The following ZFP90 variants were observed in gnomAD, a reference collection of about 807,000 sequenced individuals.
ZFP90 encodes zinc finger protein 90 homolog.
ZFP90 carries 38 observed loss-of-function variants against 60.8 expected under a neutral mutation model. That is an observed-to-expected ratio of 0.62 (90% CI 0.48 to 0.82). The LOEUF (loss-of-function observed/expected upper bound fraction) is 0.82, where lower values mean the gene tolerates loss of function less well. ZFP90 is among the 40% of genes least tolerant of loss of function. The pLI is 0.00. For synonymous variants in ZFP90, 287 were observed against 264.8 expected, an observed-to-expected ratio of 1.08 and a Z score of -0.82; for missense variants, 711 against 759.1, an observed-to-expected ratio of 0.94 and a Z score of 0.74.
chr16:68,557,215 TG>T (rs1300457816), intron 2 of ZFP90: 1 of 455,538 alleles, frequency 2.2e-6, no homozygotes, highest in Admixed American at 2.4e-5. Context: ...CTCAAACTCT[TG>T]GGCTCCTGTA....
Position 68,564,559 on chromosome 16 carries a change from GA to G in ZFP90, c.1780del (p.Thr594ProfsTer57), listed in dbSNP as rs747260313. ...TGTAATGAATGTGGGAGAGCCTTCC[GA>G]AAAAAAACCAACCTGCATGATCATC... The part of the protein sequence containing the change: ...YECNECGRAF[R>X]KKTNLHDHQR... On this transcript the variant is annotated frameshift_variant, in exon 5 of 5. Coordinates refer to ENST00000563169, the MANE Select transcript of ZFP90 (RefSeq NM_001305203.2). LOFTEE classifies it high-confidence loss of function. 3.1e-6 allele frequency: 5 copies of G among 1,612,696 alleles called. No individual in the cohort carries two copies. Among genetic ancestry groups the G allele is most frequent in the Admixed American group, 3.3e-5 (2 of 59,800 alleles).
upstream of ZFP90, among the ~76,000 whole-genome samples, chr16:68,538,036 C>T (rs1230558643): frequency 6.6e-6 from 1 of 152,092 alleles, no homozygotes; most frequent in Non-Finnish European, 1.5e-5. Flanking sequence ...CCTCAGCTTT[C>T]TGAGTAGCTG....
intron 2 of ZFP90, among the ~76,000 whole-genome samples, chr16:68,546,127 A>C (rs1234482469): frequency 1.3e-5 from 2 of 152,224 alleles, no homozygotes; most frequent in Non-Finnish European, 2.9e-5. Flanking sequence ...GTGAGCTGAG[A>C]TTGCACCATT....
At chr16:68,562,143 A>G (rs1567409090) in intron 4 of ZFP90, 2 of 152,060 alleles carry the variant, frequency 1.3e-5, no homozygotes, top group East Asian at 1.9e-4. Context: ...CTAGAATTCA[A>G]TTTTTTTCAG....
downstream of ZFP90, among the ~76,000 whole-genome samples, chr16:68,570,692 G>C (rs1271127557): frequency 6.6e-6 from 1 of 152,106 alleles, no homozygotes; most frequent in Non-Finnish European, 1.5e-5. Context: ...TATCCTGTTG[G>C]GACTGGAAAA....
upstream of ZFP90, among the ~76,000 whole-genome samples, chr16:68,536,080 A>G (rs1368865818): frequency 6.6e-6 from 1 of 152,174 alleles, no homozygotes; most frequent in Non-Finnish European, 1.5e-5. Flanking sequence ...ATTATTTTCC[A>G]GTACATGCAC....
At position 68,563,383 on chromosome 16, in the gene ZFP90, T is replaced by A; in HGVS notation, c.596T>A (p.Leu199His). The A allele has an allele frequency of 1.9e-6, 3 of 1,613,870 alleles. No homozygotes were observed. The highest frequency in any genetic ancestry group is 2.5e-6 in the Non-Finnish European group (3 of 1,179,978). Reference protein sequence around the residue: ...GSNLGHNADLLNENNILAKKK... With the variant: ...GSNLGHNADLHNENNILAKKK... ...AATTTGGGACATAATGCAGACTTACTTAATGAGAATAATATTCTTGCAAAA... is the reference window on the plus strand; with the variant it reads ...AATTTGGGACATAATGCAGACTTACATAATGAGAATAATATTCTTGCAAAA... The change falls in exon 5 of 5, where the codon CTT becomes CAT. Residue 199 changes from leucine to histidine, a missense_variant. Physicochemically the swap from Leu to His is moderately conservative, Grantham distance 99. Coordinates refer to ENST00000563169, the MANE Select transcript of ZFP90 (RefSeq NM_001305203.2).
intron 2 of ZFP90, among the ~76,000 whole-genome samples, chr16:68,542,825 C>T (rs2091076410): frequency 6.6e-6 from 1 of 152,180 alleles, no homozygotes; most frequent in Admixed American, 6.6e-5. Flanking sequence ...ACCAGGTAGT[C>T]ATTGAGCCCT....
chr16:68,565,955 T>C lies in ZFP90; in HGVS notation c.*1257T>C, dbSNP rs559821611. On this transcript the variant is annotated 3_prime_UTR_variant, in exon 5 of 5. Transcript: ENST00000563169. ...GCCTGGACAACATGGTGAAACCCCA[T>C]CTCTTTAAAAAAAAAAAAAAATCCA... 397 of 734,482 alleles carry C rather than the reference T, an allele frequency of 5.4e-4. 2 individuals are homozygous for C. The African/African-American group carries it at 7.4e-3, about 14-fold the overall frequency. The allele number at this position is 734,482 out of a possible 1,614,324, so 45.5% of individuals were successfully genotyped here.
In ZFP90 at chr16:68,566,608, A is replaced by C. The variant is rs1257871746; in HGVS notation, c.*1910A>C. On this transcript the variant is annotated 3_prime_UTR_variant, in exon 5 of 5. Transcript: ENST00000563169. ...ATTCAATGGCAGATCTGCCCTTCTG[A>C]GATGCTGACCATCCAAAACACCTTG... 1.0e-6 allele frequency: 1 copy of C among 985,452 alleles called. No homozygotes were observed. Among genetic ancestry groups the C allele is most frequent in the South Asian group, 4.7e-5 (1 of 21,284 alleles). 61.0% of individuals were successfully genotyped at this position (985,452 alleles called of 1,614,324 possible).
chr16:68,558,103 T>C lies in ZFP90; in HGVS notation c.139T>C (p.Tyr47His). 1 of 1,613,868 alleles carries C rather than the reference T, an allele frequency of 6.2e-7. No individual in the cohort carries two copies. Among genetic ancestry groups the C allele is most frequent in the African/African-American group, 1.3e-5 (1 of 75,000 alleles). Residue 47 changes from tyrosine (Y) to histidine (H), a missense_variant, in exon 3 of 5, where the codon TAT becomes CAT. Tyr to His is a moderately conservative substitution (Grantham distance 83). This residue lies in a region of ZFP90 where 241 missense variants were observed against 247.6 expected (regional missense o/e 0.97). Coordinates refer to ENST00000563169, the MANE Select transcript of ZFP90 (RefSeq NM_001305203.2). ...SLYRDVMLENYSHLVSLGYQV... is the reference protein window; with the variant it reads ...SLYRDVMLENHSHLVSLGYQV... ...ATACAGGGATGTGATGCTGGAGAAC[T>C]ATAGCCACCTGGTTTCTCTTGGTAA...
chr16:68,540,839 A>T (rs1346141697), intron 2 of ZFP90, among the ~76,000 whole-genome samples: 4 of 149,812 alleles, frequency 2.7e-5, no homozygotes, highest in Middle Eastern at 3.4e-3. Flanking sequence ...AATTTAAAAG[A>T]TAAAAACACC....
chr16:68,568,873 T>G (rs11866873), downstream of ZFP90, among the ~76,000 whole-genome samples: 28,266 of 152,064 alleles, frequency 0.19, 2,972 homozygotes, highest in African/African-American at 0.28. Flanking sequence ...GAGATGAGTT[T>G]TCGCTATGTT....
chr16:68,564,416 T>A lies in ZFP90; in HGVS notation c.1629T>A (p.His543Gln). 1 of 1,613,650 alleles carries A rather than the reference T, an allele frequency of 6.2e-7. No individual in the cohort carries two copies. The highest frequency in any genetic ancestry group is 8.5e-7 in the Non-Finnish European group (1 of 1,179,808). Residue 543 changes from histidine (H) to glutamine (Q), a missense_variant, in exon 5 of 5, where the codon CAT (histidine) becomes CAA (glutamine). His to Gln is a conservative substitution (Grantham distance 24). Transcript: ENST00000563169. ...AFSRRSSLTQ[H>Q]ERTHTGEKPY... Reference sequence around the variant, plus strand: ...GTCGACGCTCATCGCTTACTCAACATGAGAGAACCCACACTGGAGAGAAAC... The same window carrying A: ...GTCGACGCTCATCGCTTACTCAACAAGAGAGAACCCACACTGGAGAGAAAC...
At chr16:68,540,321 A>T (rs1388078901) in intron 2 of ZFP90, among the ~76,000 whole-genome samples, 4 of 152,144 alleles carry the variant, frequency 2.6e-5, no homozygotes. Flanking sequence ...GGAGGCAAAA[A>T]CAAAACAAAA....
At chr16:68,534,810 G>A (rs894498022), upstream of ZFP90, among the ~76,000 whole-genome samples, 1 of 151,900 alleles carries the variant, frequency 6.6e-6, no homozygotes, top group South Asian at 2.1e-4. Flanking sequence ...GAGAGGCTGA[G>A]GCAGGAGAAT....
intron 2 of ZFP90, among the ~76,000 whole-genome samples, chr16:68,550,700 A>T (rs779922740): frequency 2.0e-5 from 3 of 152,254 alleles, no homozygotes; most frequent in Admixed American, 6.5e-5. Context: ...ATTTAAAAAC[A>T]TAATGAATAG....
At position 68,567,043 on chromosome 16, in the gene ZFP90, A is replaced by T. The variant is rs1375596871; in HGVS notation, c.*2345A>T. On this transcript the variant is annotated 3_prime_UTR_variant, in exon 5 of 5. Transcript: ENST00000563169. ...TAGTCCCAACAGCCATGAACCATGCACTTATGGATACCCAGCCTTTTAGGG... is the reference window on the plus strand; with the variant it reads ...TAGTCCCAACAGCCATGAACCATGCTCTTATGGATACCCAGCCTTTTAGGG... 3 of 985,454 alleles carry T rather than the reference A, an allele frequency of 3.0e-6. No individual in the cohort carries two copies. Among genetic ancestry groups the T allele is most frequent in the Middle Eastern group, 5.2e-4 (1 of 1,936 alleles). 61.0% of individuals were successfully genotyped at this position (985,454 alleles called of 1,614,324 possible).
At position 68,563,607 on chromosome 16, in the gene ZFP90, A is replaced by C; in HGVS notation, c.820A>C (p.Arg274=). The change falls in exon 5 of 5, where the codon AGA becomes CGA. Residue 274 remains arginine (R), a synonymous_variant. Coordinates refer to ENST00000563169, the MANE Select transcript of ZFP90 (RefSeq NM_001305203.2). ...GAAGACACAGCTTACTGAGCATCAGAGAATTCACACTGGGGAGAAACCCTT... is the reference window on the plus strand; with the variant it reads ...GAAGACACAGCTTACTGAGCATCAGCGAATTCACACTGGGGAGAAACCCTT... ...LWKTQLTEHQ[R]IHTGEKPFEC... The C allele has an allele frequency of 1.9e-6, 3 of 1,614,216 alleles. No individual in the cohort carries two copies. The East Asian group carries it at 6.7e-5, about 36-fold the overall frequency.
Sources: gnomAD v4.1 joint callset for allele counts (sites outside exome capture counted in the v4.1 genomes callset) on GRCh38, gnomAD v4.1.1 for gene constraint, gnomAD v4.1.1 regional missense constraint, MANE v1.5 for transcripts, NCBI Gene and HGNC (gene_info 2026-07-23, HGNC 2026-07-21) for gene names.